PITPNM2: variants seen among roughly 807,000 people sequenced by gnomAD.
The protein encoded by PITPNM2 is phosphatidylinositol transfer protein membrane associated 2, also known as membrane-associated phosphatidylinositol transfer protein 2.
Under a neutral mutation model 132.2 loss-of-function variants are expected in PITPNM2, and 35 were observed. The observed-to-expected ratio is 0.26, with a 90% confidence interval of 0.20 to 0.35. The LOEUF is 0.35. PITPNM2 is among the 10% of genes least tolerant of loss of function. The pLI is 1.00. For missense variants in PITPNM2, 1,332 were observed against 1,912.0 expected (o/e 0.70, Z 5.66); for synonymous variants, 738 against 799.2 (o/e 0.92, Z 1.29).
chr12:123,047,875 C>A (rs775165534), intron 2 of PITPNM2, among the ~76,000 whole-genome samples: 1 of 152,020 alleles, frequency 6.6e-6, no homozygotes, highest in Non-Finnish European at 1.5e-5. Flanking sequence ...TTGAAGCAGG[C>A]AGATCATGAG....
intron 2 of PITPNM2, among the ~76,000 whole-genome samples, chr12:123,076,876 A>G (rs758580753): frequency 3.3e-5 from 5 of 151,856 alleles, no homozygotes; most frequent in African/African-American, 7.3e-5. Context: ...TTCCATCAAC[A>G]CGGGAGCTGT....
chr12:122,997,382 G>A lies in PITPNM2; in HGVS notation c.1415C>T (p.Ala472Val). 1 of 1,613,456 alleles carries A rather than the reference G, an allele frequency of 6.2e-7. No homozygotes were observed. Among genetic ancestry groups the A allele is most frequent in the East Asian group, 2.2e-5 (1 of 44,882 alleles). The change falls in exon 11 of 26, where the codon GCC becomes GTC. Residue 472 changes from alanine to valine, a missense_variant. Ala to Val is a moderately conservative substitution (Grantham distance 64, BLOSUM62 0). This residue lies in a region of PITPNM2 where 710 missense variants were observed against 911.5 expected (regional missense o/e 0.78). Coordinates refer to ENST00000320201, the MANE Select transcript of PITPNM2 (RefSeq NM_020845.3). The part of the protein sequence containing the change: ...VHYPSALGRL[A>V]IRLVPCPPVC... ...GGGCGGGCAGGGCACCAGGCGGATG[G>A]CAAGGCGGCCCAGGGCGCTGGGGTA...
intron 1 of PITPNM2, among the ~76,000 whole-genome samples, chr12:123,116,526 T>C (rs1415824603): frequency 6.6e-6 from 1 of 151,786 alleles, no homozygotes; most frequent in Non-Finnish European, 1.5e-5. Flanking sequence ...GGCACATTCC[T>C]GCGTCTCAGC....
At chr12:122,989,711 G>A (rs1195170537) in intron 18 of PITPNM2, 76 bp downstream of exon 18, 109 of 1,295,398 alleles carry the variant, frequency 8.4e-5, no homozygotes, top group Middle Eastern at 3.0e-4. Flanking sequence ...GGGGGTCTAG[G>A]TGGGCAGAGC....
chr12:122,997,462 C>T lies in PITPNM2; in HGVS notation c.1335G>A (p.Lys445=). The T allele has an allele frequency of 6.2e-7, 1 of 1,613,596 alleles. No individual in the cohort carries two copies. The highest frequency in any genetic ancestry group is 8.5e-7 in the Non-Finnish European group (1 of 1,180,010). ...TGGCGATGGTGTTAGCATCGCCCTT[C>T]TTGGAGCTGGGGTCCCCGGCGCCTG... is the stretch of plus-strand genomic sequence containing the variant. ...LDTGAGDPSS[K]KGDANTIANV... Residue 445 remains lysine (K), a synonymous_variant, in exon 11 of 26, where the codon AAG becomes AAA. Transcript: ENST00000320201.
rs1294785128 is a variant in PITPNM2, at chr12:123,064,940, G to C, written c.-95-30255C>G. ...CTTGGAGGGTTGAGTGGGATTAAATGAGGTGACAGTGAGGCACTGGGCACC... is the reference window on the plus strand; with the variant it reads ...CTTGGAGGGTTGAGTGGGATTAAATCAGGTGACAGTGAGGCACTGGGCACC... On this transcript the variant is annotated intron_variant, in intron 2 of 25. Transcript: ENST00000320201. The surrounding 1 kb of genome is among the most constrained non-coding windows in gnomAD (Gnocchi z 4.0). Among the ~76,000 whole-genome samples, 2 of 152,218 alleles carry C rather than the reference G, an allele frequency of 1.3e-5. No individual in the cohort carries two copies. The highest frequency in any genetic ancestry group is 2.9e-5 in the Non-Finnish European group (2 of 68,034).
intron 1 of PITPNM2, among the ~76,000 whole-genome samples, chr12:123,131,693 A>G (rs912646313): frequency 2.0e-5 from 3 of 151,980 alleles, no homozygotes; most frequent in Non-Finnish European, 4.4e-5. Flanking sequence ...AGCCAGCCAC[A>G]CCTTCCACTG....
rs2137022763 is a variant in PITPNM2 at position 123,082,414 on chromosome 12, C to A, written c.-96+27971G>T. On this transcript the variant is annotated intron_variant, in intron 2 of 25. Transcript: ENST00000320201. The surrounding 1 kb of genome is among the most constrained non-coding windows in gnomAD (Gnocchi z 5.4). The stretch of plus-strand genomic sequence containing the variant: ...TTTCCTTTTTATTTTAAAAATTGTA[C>A]ATGTAACATAAAATTTACCATCTTA... 6.6e-6 allele frequency among the ~76,000 whole-genome samples: 1 copy of A among 152,258 alleles called. No homozygotes were observed. The highest frequency in any genetic ancestry group is 2.4e-5 in the African/African-American group (1 of 41,540).
intron 3 of PITPNM2, among the ~76,000 whole-genome samples, chr12:123,014,974 T>A (rs2039365054): frequency 6.6e-6 from 1 of 152,204 alleles, no homozygotes; most frequent in South Asian, 2.1e-4. Flanking sequence ...AGGAATATAT[T>A]TAACCAAAGA....
At chr12:123,068,291 C>A (rs781229547) in intron 2 of PITPNM2, among the ~76,000 whole-genome samples, 10 of 152,026 alleles carry the variant, frequency 6.6e-5, no homozygotes, top group Non-Finnish European at 1.5e-4. Flanking sequence ...CACGGTGAAA[C>A]CCCGTCTCTA....
Position 122,994,771 on chromosome 12 carries a change from C to T in PITPNM2, c.2233+30G>A, listed in dbSNP as rs568021314. 6 of 1,592,986 alleles carry T rather than the reference C, an allele frequency of 3.8e-6. No homozygotes were observed. The highest frequency in any genetic ancestry group is 1.1e-5 in the South Asian group (1 of 88,526). On this transcript the variant is annotated intron_variant, in intron 15 of 25. Transcript: ENST00000320201. This position sits in a 1 kb window ranked among gnomAD's most constrained non-coding sequence, Gnocchi z 5.4. ...CCCGCCCCCGCACCCAGTGCATGTACCCCCCATCCTGCCCCTGCTGGGCTC... is the reference window on the plus strand; with the variant it reads ...CCCGCCCCCGCACCCAGTGCATGTATCCCCCATCCTGCCCCTGCTGGGCTC...
intron 2 of PITPNM2, among the ~76,000 whole-genome samples, chr12:123,104,846 T>C (rs1030088820): frequency 2.0e-5 from 3 of 152,132 alleles, no homozygotes; most frequent in Non-Finnish European, 4.4e-5. Context: ...GCTTCCTCCC[T>C]TCCTCCCATC....
chr12:123,019,328 C>T (rs2039574631), intron 3 of PITPNM2, among the ~76,000 whole-genome samples: 1 of 152,212 alleles, frequency 6.6e-6, no homozygotes, highest in Non-Finnish European at 1.5e-5. Flanking sequence ...CAGGCATATT[C>T]ACTTTTTGCA....
intron 2 of PITPNM2, chr12:123,091,495 C>T (rs187379500): frequency 4.6e-5 from 7 of 152,280 alleles, no homozygotes; most frequent in East Asian, 1.9e-4. Context: ...TTCTCAAGGA[C>T]GGTTATTCCT....
At chr12:123,090,665 G>A (rs924282630) in intron 2 of PITPNM2, 20 of 152,216 alleles carry the variant, frequency 1.3e-4, no homozygotes, top group South Asian at 1.0e-3. Context: ...GAGCCACCAC[G>A]CCCAGCCCAC....
At chr12:123,047,984 A>G (rs1364524701) in intron 2 of PITPNM2, among the ~76,000 whole-genome samples, 1 of 152,106 alleles carries the variant, frequency 6.6e-6, no homozygotes, top group African/African-American at 2.4e-5. Flanking sequence ...TTGTAGTCCC[A>G]GCTACCCAAG....
chr12:123,151,301 C>T (rs2043745992), upstream of PITPNM2, among the ~76,000 whole-genome samples: 1 of 151,566 alleles, frequency 6.6e-6, no homozygotes, highest in Non-Finnish European at 1.5e-5. Flanking sequence ...CCCCGGCTCG[C>T]CCGTGTCCTC....
intron 2 of PITPNM2, among the ~76,000 whole-genome samples, chr12:123,042,066 C>T (rs1008985729): frequency 2.0e-5 from 3 of 152,080 alleles, no homozygotes; most frequent in African/African-American, 7.2e-5. Context: ...GTGCAGGATG[C>T]ATCCAGACCA....
rs1433489128 is a variant in PITPNM2 at position 122,994,372 on chromosome 12, T to A, written c.2233+429A>T. 6.6e-6 allele frequency among the ~76,000 whole-genome samples: 1 copy of A among 152,166 alleles called. No homozygotes were observed. Among genetic ancestry groups the A allele is most frequent in the East Asian group, 1.9e-4 (1 of 5,182 alleles). Reference sequence around the variant, plus strand: ...CAGCCGCTGGCCTGCCTGCCCTGGGTAGACAGAGACGCACAGCTGTGGCCC... The same window carrying A: ...CAGCCGCTGGCCTGCCTGCCCTGGGAAGACAGAGACGCACAGCTGTGGCCC... On this transcript the variant is annotated intron_variant, in intron 15 of 25. Coordinates refer to ENST00000320201, the MANE Select transcript of PITPNM2 (RefSeq NM_020845.3). This position sits in a 1 kb window ranked among gnomAD's most constrained non-coding sequence, Gnocchi z 5.4.
Sources: allele counts gnomAD v4.1 joint callset (sites outside exome capture counted in the v4.1 genomes callset), GRCh38; gene constraint gnomAD v4.1.1; regional missense constraint gnomAD v4.1.1; non-coding constraint Gnocchi (gnomAD v3.1); transcripts MANE v1.5; gene names NCBI Gene and HGNC (gene_info 2026-07-23, HGNC 2026-07-21).